HIP1: variants seen among roughly 807,000 people sequenced by gnomAD.
HIP1 encodes huntingtin-interacting protein 1.
In HIP1, 65 loss-of-function variants were observed where a neutral mutation model predicts 147.6. The ratio of observed to expected loss-of-function variants is 0.44; its 90% CI spans 0.36 to 0.54. The LOEUF (loss-of-function observed/expected upper bound fraction) is 0.54. Among genes scored for constraint, HIP1 ranks in the 20% least tolerant of loss-of-function variants. The pLI is 0.00. For synonymous variants in HIP1, 479 were observed against 504.0 expected, an observed-to-expected ratio of 0.95 and a Z score of 0.67; for missense variants, 1,061 against 1,299.6, an observed-to-expected ratio of 0.82 and a Z score of 2.82.
chr7:75,599,160 T>A, intron 2 of HIP1, 24 bp downstream of exon 2: 3 of 1,598,908 alleles, frequency 1.9e-6, no homozygotes, highest in Non-Finnish European at 2.6e-6. Context: ...GGGTCGGTCT[T>A]CCAAGCAACA....
In HIP1 at chr7:75,545,105, C is replaced by T; in HGVS notation, c.2643G>A (p.Trp881Ter). The change falls in exon 26 of 31, where the codon TGG (tryptophan) becomes TGA (stop). Residue 881 changes from tryptophan (W) to a stop codon, truncating the protein, a stop_gained. Transcript: ENST00000336926. LOFTEE classifies it high-confidence loss of function. ...ATACTTACACCATGACAGTGGCTCC[C>T]CAGCCCACAGCCTTGGAGGCTGAGA... is the stretch of plus-strand genomic sequence containing the variant. ...GLISASKAVG[W>*]GATVMVDAAD... The T allele has an allele frequency of 6.2e-7, 1 of 1,606,700 alleles. No individual in the cohort carries two copies. The highest frequency in any genetic ancestry group is 8.5e-7 in the Non-Finnish European group (1 of 1,176,600).
Position 75,542,046 on chromosome 7 carries a change from G to A in HIP1, c.2891-66C>T, listed in dbSNP as rs1794343294. The stretch of plus-strand genomic sequence containing the variant: ...CTGGCTGACTGGCACCTGAGAGGCA[G>A]CCAATGCCAATGCTCTGTGGAAACG... On this transcript the variant is annotated intron_variant, in intron 28 of 30. Coordinates refer to ENST00000336926, the MANE Select transcript of HIP1 (RefSeq NM_005338.7). 14 of 1,231,278 alleles carry A rather than the reference G, an allele frequency of 1.1e-5. No homozygotes were observed. In the South Asian group the frequency reaches 1.7e-4, roughly 15 times the overall value. 76.3% of individuals were successfully genotyped at this position (1,231,278 alleles called of 1,614,324 possible). A position where few individuals can be genotyped will look rare whatever the true frequency, so the allele number is the denominator to read the frequency against.
At chr7:75,581,983 T>TC (rs1297212636) in intron 6 of HIP1, 92 bp downstream of exon 6, 62 of 1,045,232 alleles carry the variant, frequency 5.9e-5, no homozygotes, top group Non-Finnish European at 8.3e-5. Context: ...AGCCACGGCC[T>TC]CCCCCCATCA....
At chr7:75,543,922 C>T (rs1794430224) in intron 27 of HIP1, among the ~76,000 whole-genome samples, 1 of 152,170 alleles carries the variant, frequency 6.6e-6, no homozygotes, top group Non-Finnish European at 1.5e-5. Context: ...CCTGTAATCC[C>T]AGCACTTTGG....
chr7:75,576,500 C>T (rs926275201), intron 7 of HIP1, among the ~76,000 whole-genome samples: 3 of 151,888 alleles, frequency 2.0e-5, no homozygotes, highest in Non-Finnish European at 4.4e-5. Flanking sequence ...GGTGGGAGGA[C>T]TGCTTGAGGT....
At chr7:75,665,819 G>T (rs1400285653) in intron 1 of HIP1, among the ~76,000 whole-genome samples, 2 of 152,142 alleles carry the variant, frequency 1.3e-5, no homozygotes, top group African/African-American at 4.8e-5. Flanking sequence ...GGGATTACAG[G>T]CATGAGCCAC....
intron 9 of HIP1, 192 bp from the exon 10 acceptor site, chr7:75,563,455 G>A: frequency 1.7e-6 from 1 of 588,502 alleles, no homozygotes; most frequent in Non-Finnish European, 3.0e-6. Context: ...TCAGTGACCT[G>A]CTGGTGAGGA....
At chr7:75,642,989 A>C (rs1554510674) in intron 1 of HIP1, among the ~76,000 whole-genome samples, 1 of 152,188 alleles carries the variant, frequency 6.6e-6, no homozygotes, top group Non-Finnish European at 1.5e-5. Flanking sequence ...ACTGAAAAGC[A>C]CACAACAGGC....
chr7:75,734,874 G>A (rs563681892), intron 1 of HIP1, among the ~76,000 whole-genome samples: 1 of 152,272 alleles, frequency 6.6e-6, no homozygotes, highest in South Asian at 2.1e-4. Flanking sequence ...TCAGTCCTCG[G>A]GGAGGGCTCC....
chr7:75,673,058 G>A (rs771214920), intron 1 of HIP1, among the ~76,000 whole-genome samples: 5 of 146,210 alleles, frequency 3.4e-5, no homozygotes, highest in Non-Finnish European at 7.4e-5. Flanking sequence ...GTCTAGCACT[G>A]TCACCCAGGC....
Position 75,558,207 on chromosome 7 carries a change from T to C in HIP1, c.1424A>G (p.Tyr475Cys). ...AGCGTGGTTCTGAACCAGCTCGCTG[T>C]ACTTCTCCTTTAGCTTGCTATATCG... is the stretch of plus-strand genomic sequence containing the variant. ...EQRYSKLKEK[Y>C]SELVQNHADL... The change falls in exon 15 of 31, where the codon TAC becomes TGC. Residue 475 changes from tyrosine (Y) to cysteine (C), a missense_variant. By Grantham distance (194) the Tyr-to-Cys change is radical. This residue lies in a region of HIP1 where 810 missense variants were observed against 946.8 expected (regional missense o/e 0.86). Coordinates refer to ENST00000336926, the MANE Select transcript of HIP1 (RefSeq NM_005338.7). The C allele has an allele frequency of 6.2e-7, 1 of 1,614,250 alleles. No homozygotes were observed.
chr7:75,593,685 T>C (rs1174748562), intron 2 of HIP1, among the ~76,000 whole-genome samples: 3 of 150,890 alleles, frequency 2.0e-5, no homozygotes, highest in African/African-American at 7.3e-5. Context: ...TCAAGGACCT[T>C]GGTCCCTGCA....
intron 1 of HIP1, among the ~76,000 whole-genome samples, chr7:75,718,315 C>G (rs562167289): frequency 1.8e-4 from 28 of 151,868 alleles, no homozygotes; most frequent in Non-Finnish European, 2.9e-4. Context: ...TATGATCATA[C>G]TACTGCACTC....
At chr7:75,543,115 T>C in intron 27 of HIP1, 141 bp from the exon 28 acceptor site, 3 of 795,698 alleles carry the variant, frequency 3.8e-6, no homozygotes, top group Non-Finnish European at 3.8e-6. Context: ...CTGCTGACTA[T>C]AGTCAGCTCC....
intron 1 of HIP1, among the ~76,000 whole-genome samples, chr7:75,610,221 T>A (rs587631533): frequency 2.8e-4 from 38 of 138,062 alleles, no homozygotes; most frequent in African/African-American, 9.9e-4. Flanking sequence ...TTTTTTTTTT[T>A]TATAAGAAAC....
chr7:75,590,955 G>A (rs1161970773), intron 4 of HIP1, among the ~76,000 whole-genome samples: 1 of 152,038 alleles, frequency 6.6e-6, no homozygotes, highest in Non-Finnish European at 1.5e-5. Flanking sequence ...GACAGATACA[G>A]GTAAGACTGT....
In HIP1 at chr7:75,644,549, C is replaced by G. The variant is rs188173301; in HGVS notation, c.121-45302G>C. On this transcript the variant is annotated intron_variant, in intron 1 of 30. Transcript: ENST00000336926. The stretch of plus-strand genomic sequence containing the variant: ...ACCTCAGGTGATCCGCCTGCCTCAG[C>G]CTCCCAAAGTGCTGGGATTACAGGT... Among the ~76,000 whole-genome samples the G allele has an allele frequency of 2.1e-3, 314 of 152,236 alleles. 1 individual carries two copies. The highest frequency in any genetic ancestry group is 7.0e-3 in the African/African-American group (290 of 41,542).
intron 1 of HIP1, among the ~76,000 whole-genome samples, chr7:75,609,242 A>G (rs1797337019): frequency 6.6e-6 from 1 of 152,120 alleles, no homozygotes; most frequent in African/African-American, 2.4e-5. Context: ...ACACTTCATC[A>G]TAGTGGCTGT....
chr7:75,715,774 C>CAAA lies in HIP1; in HGVS notation c.120+23024_120+23026dup, dbSNP rs34769081. ...TAGGCAACAGAGTGAGATCCTGTCT[C>CAAA]AAAAAAAAAAAAAAAAAAAAAAAAA... On this transcript the variant is annotated intron_variant, in intron 1 of 30. Transcript: ENST00000336926. Among the ~76,000 whole-genome samples the CAAA allele has an allele frequency of 6.8e-3, 249 of 36,570 alleles. 15 individuals carry two copies. Among genetic ancestry groups the CAAA allele is most frequent in the African/African-American group, 0.018 (151 of 8,510 alleles). 24.0% of individuals were successfully genotyped at this position (36,570 alleles called of 152,430 possible). A position where few individuals can be genotyped will look rare whatever the true frequency, so the allele number is the denominator to read the frequency against.
Sources: allele counts gnomAD v4.1 joint callset (sites outside exome capture counted in the v4.1 genomes callset), GRCh38; gene constraint gnomAD v4.1.1; regional missense constraint gnomAD v4.1.1; transcripts MANE v1.5; gene names NCBI Gene and HGNC (gene_info 2026-07-23, HGNC 2026-07-21).